HEATR5B: variants seen among roughly 807,000 people sequenced by gnomAD.
HEATR5B encodes the protein HEAT repeat-containing protein 5B.
HEATR5B carries 156 observed loss-of-function variants against 224.1 expected under a neutral mutation model. The observed-to-expected ratio is 0.70, with a 90% confidence interval of 0.61 to 0.80. HEATR5B has a LOEUF of 0.80. Ranked by LOEUF, HEATR5B falls within the 30% of genes least tolerant of loss-of-function variation. The pLI is 0.00. For missense variants in HEATR5B, 2,323 were observed against 2,535.5 expected, an observed-to-expected ratio of 0.92 and a Z score of 1.80; for synonymous variants, 1,027 against 893.0, an observed-to-expected ratio of 1.15 and a Z score of -2.68.
chr2:37,039,227 G>A (rs1669723448), intron 20 of HEATR5B, among the ~76,000 whole-genome samples: 1 of 151,866 alleles, frequency 6.6e-6, no homozygotes, highest in African/African-American at 2.4e-5. Context: ...AGCACTTTGG[G>A]AGGCCGAGGT....
intron 20 of HEATR5B, 25 bp from the exon 21 acceptor site, chr2:37,038,049 A>G: frequency 7.0e-7 from 1 of 1,429,668 alleles, no homozygotes; most frequent in Non-Finnish European, 9.3e-7. Flanking sequence ...AAGAAAATAT[A>G]AAATATAATT....
At position 37,005,799 on chromosome 2, in the gene HEATR5B, A is replaced by C. The variant is rs759358484; in HGVS notation, c.4778-40T>G. ...ATAAAAACATGTTTTTTCACTTATAAAACACTTTATGTTGTTTGATCCCAT... is the reference window on the plus strand; with the variant it reads ...ATAAAAACATGTTTTTTCACTTATACAACACTTTATGTTGTTTGATCCCAT... On this transcript the variant is annotated intron_variant, in intron 29 of 35. Coordinates refer to ENST00000233099, the MANE Select transcript of HEATR5B (RefSeq NM_019024.3). 4.0e-6 allele frequency: 6 copies of C among 1,484,778 alleles called. No individual in the cohort carries two copies. In the Admixed American group the frequency reaches 1.1e-4, roughly 28 times the overall value. 92.0% of individuals were successfully genotyped at this position (1,484,778 alleles called of 1,614,324 possible).
intron 23 of HEATR5B, 38 bp downstream of exon 23, chr2:37,028,643 A>T (rs778635519): frequency 3.2e-5 from 50 of 1,585,278 alleles, no homozygotes; most frequent in Middle Eastern, 1.7e-4. Context: ...GAAGTAAAAC[A>T]ATTTCCATTA....
chr2:37,040,240 T>A (rs542306502), intron 20 of HEATR5B, 89 bp downstream of exon 20: 1 of 1,063,430 alleles, frequency 9.4e-7, no homozygotes, highest in East Asian at 2.4e-5. Flanking sequence ...TATTACAAAA[T>A]TTCTTCAAGT....
intron 18 of HEATR5B, among the ~76,000 whole-genome samples, chr2:37,046,814 C>T (rs957422601): frequency 4.0e-5 from 6 of 151,654 alleles, no homozygotes; most frequent in Non-Finnish European, 8.8e-5. Context: ...CTTTGGGAGG[C>T]CGAGGCAGGT....
intron 27 of HEATR5B, among the ~76,000 whole-genome samples, chr2:37,013,421 G>A (rs968422303): frequency 7.9e-5 from 12 of 152,214 alleles, no homozygotes; most frequent in African/African-American, 1.4e-4. Context: ...ACTGTGGTGC[G>A]TGCCTGCAGT....
intron 3 of HEATR5B, among the ~76,000 whole-genome samples, chr2:37,077,678 T>C (rs1466205686): frequency 2.0e-5 from 3 of 152,246 alleles, no homozygotes; most frequent in Non-Finnish European, 4.4e-5. Context: ...TCTTTCATTA[T>C]ATGTAACACT....
intron 27 of HEATR5B, among the ~76,000 whole-genome samples, chr2:37,009,391 T>C (rs761514178): frequency 1.3e-5 from 2 of 150,812 alleles, no homozygotes; most frequent in Admixed American, 6.6e-5. Context: ...CTGGGTAATA[T>C]AGCAAGACCC....
At chr2:37,047,924 AAAG>A (rs1670302481) in intron 18 of HEATR5B, among the ~76,000 whole-genome samples, 1 of 152,206 alleles carries the variant, frequency 6.6e-6, no homozygotes, top group Admixed American at 6.5e-5. Context: ...TAGCAGTATA[AAAG>A]AATTAAAATG....
rs1670987289 is a variant in HEATR5B, at chr2:37,057,500, A to T, written c.2060-20T>A. On this transcript the variant is annotated intron_variant, in intron 14 of 35. Transcript: ENST00000233099. ...AAGATCCTAAAAAACAGAACTTCAGATCAGATTAAAAAGAATAATTTTTGT... is the reference window on the plus strand; with the variant it reads ...AAGATCCTAAAAAACAGAACTTCAGTTCAGATTAAAAAGAATAATTTTTGT... 3.2e-6 allele frequency: 5 copies of T among 1,567,024 alleles called. No individual in the cohort carries two copies. The highest frequency in any genetic ancestry group is 4.3e-6 in the Non-Finnish European group (5 of 1,155,206).
intron 35 of HEATR5B, among the ~76,000 whole-genome samples, chr2:36,984,200 C>CAAAAAAAAAAAAAAAAA (rs1208435239): frequency 5.2e-4 from 15 of 28,966 alleles, no homozygotes; most frequent in Non-Finnish European, 8.4e-4. Context: ...AACTCTGTCT[C>CAAAAAAAAAAAAAAAAA]AAAAAAAAAA....
chr2:36,989,707 G>C (rs773928860), intron 34 of HEATR5B, among the ~76,000 whole-genome samples: 2 of 152,084 alleles, frequency 1.3e-5, no homozygotes, highest in African/African-American at 2.4e-5. Flanking sequence ...AGAAGGAAGA[G>C]AGGGAGGGAA....
At chr2:37,031,313 A>C (rs542984981) in intron 22 of HEATR5B, among the ~76,000 whole-genome samples, 1 of 152,332 alleles carries the variant, frequency 6.6e-6, no homozygotes, top group South Asian at 2.1e-4. Flanking sequence ...TCATTTGTAA[A>C]AGCTTTAAAC....
chr2:37,067,943 C>T (rs17445680), intron 8 of HEATR5B, among the ~76,000 whole-genome samples: 16,992 of 151,974 alleles, frequency 0.11, 1,028 homozygotes, highest in African/African-American at 0.13. Context: ...TTTCAAAAGA[C>T]CTCTATTAGT....
chr2:37,070,431 G>A, intron 6 of HEATR5B, 44 bp from the exon 7 acceptor site: 1 of 1,478,200 alleles, frequency 6.8e-7, no homozygotes, highest in Non-Finnish European at 9.4e-7. Flanking sequence ...ATATTTCTGA[G>A]GCACTCTAGC....
intron 20 of HEATR5B, 125 bp from the exon 21 acceptor site, chr2:37,038,149 GT>G: frequency 1.5e-6 from 1 of 684,476 alleles, no homozygotes; most frequent in Non-Finnish European, 2.1e-6. Flanking sequence ...TTTTTTTGCT[GT>G]TGTTTTTGAG....
rs749477439 is a variant in HEATR5B at position 37,068,950 on chromosome 2, C to T, written c.928-20G>A. Reference sequence around the variant, plus strand: ...ATACGCCTGTAAAAAGAGGAAGGTACGACTTCAGATACACTTACATAACTG... The same window carrying T: ...ATACGCCTGTAAAAAGAGGAAGGTATGACTTCAGATACACTTACATAACTG... On this transcript the variant is annotated intron_variant, in intron 7 of 35. Coordinates refer to ENST00000233099, the MANE Select transcript of HEATR5B (RefSeq NM_019024.3). The T allele has an allele frequency of 1.8e-5, 29 of 1,603,772 alleles. No individual in the cohort carries two copies. Among genetic ancestry groups the T allele is most frequent in the South Asian group, 1.1e-4 (10 of 90,436 alleles).
At chr2:37,051,298 G>C (rs557432044) in intron 17 of HEATR5B, among the ~76,000 whole-genome samples, 2 of 140,712 alleles carry the variant, frequency 1.4e-5, no homozygotes, top group South Asian at 4.6e-4. Context: ...GGAAGTTGCA[G>C]TGAGCTGAGA....
chr2:37,061,558 T>C (rs944575252), intron 11 of HEATR5B, among the ~76,000 whole-genome samples: 1 of 152,206 alleles, frequency 6.6e-6, no homozygotes, highest in African/African-American at 2.4e-5. Context: ...CATTAAGGGT[T>C]ACCCCAGAAA....
Sources: gnomAD v4.1 joint callset for allele counts (sites outside exome capture counted in the v4.1 genomes callset) on GRCh38, gnomAD v4.1.1 for gene constraint, MANE v1.5 for transcripts, NCBI Gene and HGNC (gene_info 2026-07-23, HGNC 2026-07-21) for gene names.